TRUB1: variants seen among roughly 807,000 people sequenced by gnomAD.
TRUB1 encodes the protein TruB pseudouridine synthase family member 1, also known as pseudouridylate synthase TRUB1.
A neutral mutation model predicts 33.9 loss-of-function variants in TRUB1; 23 were observed. That is an observed-to-expected ratio of 0.68 (90% confidence interval 0.49 to 0.96). The LOEUF is 0.96. Ranked by LOEUF, TRUB1 falls within the 40% of genes least tolerant of loss-of-function variation. The pLI, the probability that TRUB1 is intolerant of heterozygous loss-of-function variation, is 0.00. For synonymous variants in TRUB1, 163 were observed against 165.4 expected, an observed-to-expected ratio of 0.99 and a Z score of 0.11; for missense variants, 378 against 422.2, an observed-to-expected ratio of 0.90 and a Z score of 0.92.
chr10:114,974,459 C>T (rs113715975), intron 7 of TRUB1, 74 bp downstream of exon 7: 42,812 of 1,349,176 alleles, frequency 0.032, 858 homozygotes, highest in African/African-American at 0.072. Flanking sequence ...GGGAATTTTC[C>T]GTTTTTCTTA....
At position 114,975,471 on chromosome 10, in the gene TRUB1, A is replaced by T; in HGVS notation, c.*92A>T. Reference sequence around the variant, plus strand: ...AAGCTGCATTCAAAAGACAAACAATATGTCTTTTTTTTTTTTGCATGAAGA... The same window carrying T: ...AAGCTGCATTCAAAAGACAAACAATTTGTCTTTTTTTTTTTTGCATGAAGA... On this transcript the variant is annotated 3_prime_UTR_variant, in exon 8 of 8. Coordinates refer to ENST00000298746, the MANE Select transcript of TRUB1 (RefSeq NM_139169.5). The T allele has an allele frequency of 8.1e-7, 1 of 1,241,296 alleles. No homozygotes were observed. Among genetic ancestry groups the T allele is most frequent in the Non-Finnish European group, 1.1e-6 (1 of 925,152 alleles). 76.9% of individuals were successfully genotyped at this position (1,241,296 alleles called of 1,614,324 possible).
rs1281095381 is a variant in TRUB1 at position 114,959,733 on chromosome 10, C to T, written c.449C>T (p.Thr150Ile). ...TSMLSGSKRY[T>I]AIGELGKATD... ...TTGTTTCCCTTCCTCTAGAGATATA[C>T]TGCCATTGGAGAACTGGGGAAAGCT... Residue 150 changes from threonine to isoleucine, a missense_variant, in exon 4 of 8, where the codon ACT becomes ATT. Transcript: ENST00000298746. 6 of 1,605,288 alleles carry T rather than the reference C, an allele frequency of 3.7e-6. No homozygotes were observed. The South Asian group carries it at 6.6e-5, about 18-fold the overall frequency.
At position 114,975,544 on chromosome 10, in the gene TRUB1, T is replaced by C. The variant is rs2143040281; in HGVS notation, c.*165T>C. 1.5e-6 allele frequency: 1 copy of C among 655,618 alleles called. No homozygotes were observed. The highest frequency in any genetic ancestry group is 2.9e-5 in the East Asian group (1 of 34,120). 40.6% of individuals were successfully genotyped at this position (655,618 alleles called of 1,614,324 possible). A position where few individuals can be genotyped will look rare whatever the true frequency, so the allele number is the denominator to read the frequency against. On this transcript the variant is annotated 3_prime_UTR_variant, in exon 8 of 8. Transcript: ENST00000298746. ...TCAATAGCACATAATTTATTTTCTATGCATTATAAATGGCCTTGCAGTTGG... is the reference window on the plus strand; with the variant it reads ...TCAATAGCACATAATTTATTTTCTACGCATTATAAATGGCCTTGCAGTTGG...
intron 2 of TRUB1, among the ~76,000 whole-genome samples, chr10:114,946,744 A>G (rs1288743875): frequency 6.6e-6 from 1 of 152,130 alleles, no homozygotes; most frequent in Non-Finnish European, 1.5e-5. Context: ...TGCAATATTA[A>G]TGGTGCAGAT....
chr10:114,944,000 C>CTTTTTT (rs573847481), intron 2 of TRUB1, among the ~76,000 whole-genome samples: 3 of 101,542 alleles, frequency 3.0e-5, no homozygotes, highest in Non-Finnish European at 3.9e-5. Context: ...TTTATTCCAT[C>CTTTTTT]TTTTTTTTTT....
intron 2 of TRUB1, among the ~76,000 whole-genome samples, chr10:114,949,255 A>G (rs1182903913): frequency 1.3e-5 from 2 of 152,194 alleles, no homozygotes; most frequent in East Asian, 3.9e-4. Context: ...TGTGCATAGT[A>G]GTTGTTCAAG....
In TRUB1 at chr10:114,938,551, C is replaced by T. The variant is rs1316621929; in HGVS notation, c.286+12C>T. 5.9e-6 allele frequency: 9 copies of T among 1,518,592 alleles called. 1 individual carries two copies. The highest frequency in any genetic ancestry group is 7.9e-6 in the Non-Finnish European group (9 of 1,136,362). The allele number at this position is 1,518,592 out of a possible 1,614,324, so 94.1% of individuals were successfully genotyped here. ...GAAGCTGCTGGCAGGTACTGCAGCC[C>T]GGGTGGGGACCAGGCTGAGGCGGTC... On this transcript the variant is annotated intron_variant, in intron 1 of 7. Transcript: ENST00000298746.
In TRUB1 at chr10:114,970,366, A is replaced by C. The variant is rs199994953; in HGVS notation, c.524-2A>C. The C allele has an allele frequency of 1.1e-4, 175 of 1,603,722 alleles. No individual in the cohort carries two copies. The highest frequency in any genetic ancestry group is 6.6e-5 in the Non-Finnish European group (77 of 1,172,516). ...AGTGTCTTTTTTGTTGATTTTTGGC[A>C]GATAAAATAACACAAGAAGATATTG... is the stretch of plus-strand genomic sequence containing the variant. On this transcript the variant is annotated splice_acceptor_variant, in intron 4 of 7. Coordinates refer to ENST00000298746, the MANE Select transcript of TRUB1 (RefSeq NM_139169.5). LOFTEE classifies it high-confidence loss of function.
rs1261062950 is a variant in TRUB1 at position 114,977,596 on chromosome 10, A to G, written c.*2217A>G. The G allele has an allele frequency of 1.3e-5, 2 of 152,004 alleles. No individual in the cohort carries two copies. Among genetic ancestry groups the G allele is most frequent in the Non-Finnish European group, 2.9e-5 (2 of 67,912 alleles). The allele number at this position is 152,004 out of a possible 1,614,324, so 9.4% of individuals were successfully genotyped here. ...TTTAGTAAACATAGGAGAGAAATCA[A>G]AGTTTTTCTGATTTGCTTTTATGTG... On this transcript the variant is annotated 3_prime_UTR_variant, in exon 8 of 8. Transcript: ENST00000298746.
intron 3 of TRUB1, among the ~76,000 whole-genome samples, chr10:114,957,524 A>G (rs1300200839): frequency 6.6e-6 from 1 of 152,170 alleles, no homozygotes; most frequent in Non-Finnish European, 1.5e-5. Context: ...CCTTCTTTCT[A>G]TGTATGGAAT....
intron 1 of TRUB1, among the ~76,000 whole-genome samples, chr10:114,940,491 C>A (rs960971503): frequency 1.7e-4 from 26 of 152,344 alleles, no homozygotes; most frequent in African/African-American, 6.0e-4. Flanking sequence ...GTTGTGTCCT[C>A]TAATACCATT....
rs148245314 is a variant in TRUB1 at position 114,938,505 on chromosome 10, G to C, written c.252G>C (p.Glu84Asp). The C allele has an allele frequency of 6.4e-7, 1 of 1,564,234 alleles. No individual in the cohort carries two copies. The highest frequency in any genetic ancestry group is 2.3e-5 in the East Asian group (1 of 44,346). ...VHKPKGPTSA[E>D]LLNRLKEKLL... Reference sequence around the variant, plus strand: ...AGCCCAAAGGGCCCACTTCAGCCGAGCTGCTGAATCGGTTGAAGGAGAAGC... The same window carrying C: ...AGCCCAAAGGGCCCACTTCAGCCGACCTGCTGAATCGGTTGAAGGAGAAGC... Residue 84 changes from glutamate (E) to aspartate (D), a missense_variant, in exon 1 of 8, where the codon GAG becomes GAC. Transcript: ENST00000298746.
chr10:114,951,856 A>C, intron 3 of TRUB1, among the ~76,000 whole-genome samples: 1 of 152,180 alleles, frequency 6.6e-6, no homozygotes, highest in African/African-American at 2.4e-5. Flanking sequence ...AGGTAGCGAA[A>C]AATTTCATTA....
Position 114,975,434 on chromosome 10 carries a change from A to C in TRUB1, c.*55A>C, listed in dbSNP as rs913511307. 2 of 1,448,044 alleles carry C rather than the reference A, an allele frequency of 1.4e-6. No individual in the cohort carries two copies. Among genetic ancestry groups the C allele is most frequent in the East Asian group, 4.8e-5 (2 of 42,084 alleles). The allele number at this position is 1,448,044 out of a possible 1,614,324, so 89.7% of individuals were successfully genotyped here. On this transcript the variant is annotated 3_prime_UTR_variant, in exon 8 of 8. Transcript: ENST00000298746. Reference sequence around the variant, plus strand: ...GTTGACATTTGAATCCTGTGTGCAGATGCAGAATGACAAGCTGCATTCAAA... The same window carrying C: ...GTTGACATTTGAATCCTGTGTGCAGCTGCAGAATGACAAGCTGCATTCAAA...
In TRUB1 at chr10:114,975,190, A is replaced by T. The variant is rs2084354650; in HGVS notation, c.861A>T (p.Glu287Asp). The change falls in exon 8 of 8, where the codon GAA becomes GAT. Residue 287 changes from glutamate to aspartate, a missense_variant. By Grantham distance (45) the Glu-to-Asp change is conservative (BLOSUM62 2). Transcript: ENST00000298746. Reference sequence around the variant, plus strand: ...AACAGGGACCATTTACGCTAGAAGAACATGCCCTTCCTGAAGACAAATGGA... The same window carrying T: ...AACAGGGACCATTTACGCTAGAAGATCATGCCCTTCCTGAAGACAAATGGA... ...RTKQGPFTLE[E>D]HALPEDKWTI... 10 of 1,613,720 alleles carry T rather than the reference A, an allele frequency of 6.2e-6. No homozygotes were observed. The highest frequency in any genetic ancestry group is 8.5e-6 in the Non-Finnish European group (10 of 1,179,716).
At chr10:114,941,157 G>C (rs1278983844) in intron 1 of TRUB1, among the ~76,000 whole-genome samples, 1 of 152,016 alleles carries the variant, frequency 6.6e-6, no homozygotes, top group Non-Finnish European at 1.5e-5. Context: ...GATGGGCTTG[G>C]GGGCAGGTAT....
chr10:114,946,977 A>C (rs967839940), intron 2 of TRUB1, among the ~76,000 whole-genome samples: 4 of 152,170 alleles, frequency 2.6e-5, no homozygotes, highest in African/African-American at 9.7e-5. Context: ...TAATCAGCTG[A>C]CTTTAAGATA....
At chr10:114,940,886 C>T (rs1368023277) in intron 1 of TRUB1, among the ~76,000 whole-genome samples, 1 of 152,144 alleles carries the variant, frequency 6.6e-6, no homozygotes, top group African/African-American at 2.4e-5. Context: ...TATGTCAAAG[C>T]AGACAACCAT....
intron 7 of TRUB1, 99 bp downstream of exon 7, chr10:114,974,484 C>T (rs955761538): frequency 1.5e-5 from 15 of 989,616 alleles, no homozygotes; most frequent in Non-Finnish European, 2.2e-5. Context: ...TGAGTACTGG[C>T]CTTAGGAACT....
Sources: allele counts gnomAD v4.1 joint callset (sites outside exome capture counted in the v4.1 genomes callset), GRCh38; gene constraint gnomAD v4.1.1; transcripts MANE v1.5; gene names NCBI Gene and HGNC (gene_info 2026-07-23, HGNC 2026-07-21).